The following CTNNA3 variants were observed in gnomAD, a reference collection of about 807,000 sequenced individuals.
CTNNA3 encodes catenin alpha-3.
CTNNA3 carries 76 observed loss-of-function variants against 95.7 expected under a neutral mutation model. The observed-to-expected ratio is 0.79, with a 90% CI of 0.66 to 0.96. CTNNA3 has a LOEUF of 0.96. Ranked by LOEUF, CTNNA3 falls within the 40% of genes least tolerant of loss-of-function variation. The pLI is 0.00. For synonymous variants in CTNNA3, 431 were observed against 374.4 expected, an observed-to-expected ratio of 1.15 and a Z score of -1.74; for missense variants, 1,191 against 1,089.8, an observed-to-expected ratio of 1.09 and a Z score of -1.31.
chr10:67,571,227 T>A (rs1377978393), intron 3 of CTNNA3, among the ~76,000 whole-genome samples: 2 of 152,206 alleles, frequency 1.3e-5, no homozygotes, highest in African/African-American at 4.8e-5. Context: ...ATGATTTGCC[T>A]AGAGCTACCT....
chr10:66,011,558 T>A (rs998803194), intron 15 of CTNNA3, among the ~76,000 whole-genome samples: 2 of 152,092 alleles, frequency 1.3e-5, no homozygotes, highest in East Asian at 3.9e-4. Context: ...GTCTGGAGTA[T>A]AGGAATGGCA....
At chr10:66,836,256 A>T (rs1202481338) in intron 7 of CTNNA3, among the ~76,000 whole-genome samples, 3 of 152,162 alleles carry the variant, frequency 2.0e-5, no homozygotes, top group Non-Finnish European at 2.9e-5. Context: ...TCTGGACTTG[A>T]TACGTGCAAA....
intron 7 of CTNNA3, chr10:67,097,625 C>T (rs374443522): frequency 2.3e-5 from 37 of 1,612,378 alleles, no homozygotes; most frequent in South Asian, 7.7e-5. Context: ...TTCTGGCATA[C>T]GACCAGCCCA....
intron 2 of CTNNA3, among the ~76,000 whole-genome samples, chr10:67,622,329 A>G (rs962405719): frequency 6.6e-6 from 1 of 152,208 alleles, no homozygotes; most frequent in Non-Finnish European, 1.5e-5. Context: ...TCCTAAAGCT[A>G]AGTTAGAAGT....
At chr10:67,070,029 C>G (rs1221539391) in intron 7 of CTNNA3, among the ~76,000 whole-genome samples, 3 of 152,206 alleles carry the variant, frequency 2.0e-5, no homozygotes, top group Non-Finnish European at 4.4e-5. Flanking sequence ...ACCATGAGAA[C>G]TTCCATTGCT....
intron 15 of CTNNA3, among the ~76,000 whole-genome samples, chr10:66,033,050 T>G (rs946355899): frequency 4.6e-5 from 7 of 152,296 alleles, no homozygotes; most frequent in African/African-American, 1.2e-4. Flanking sequence ...CTCATCCTGG[T>G]TATTCTGTAG....
intron 3 of CTNNA3, among the ~76,000 whole-genome samples, chr10:67,567,538 A>G (rs114778570): frequency 0.012 from 1,797 of 152,226 alleles, 40 homozygotes; most frequent in African/African-American, 0.039. Context: ...CTTAACCACT[A>G]TGTAATCTAT....
intron 14 of CTNNA3, among the ~76,000 whole-genome samples, chr10:66,069,822 A>G (rs2080395800): frequency 6.6e-6 from 1 of 152,144 alleles, no homozygotes; most frequent in East Asian, 1.9e-4. Flanking sequence ...ATTTAGTGTA[A>G]TGCATCACCT....
chr10:65,981,308 T>A (rs1387920020), intron 16 of CTNNA3, among the ~76,000 whole-genome samples: 1 of 152,022 alleles, frequency 6.6e-6, no homozygotes, highest in Non-Finnish European at 1.5e-5. Context: ...GAAAGACTTC[T>A]ACAAGGAAAA....
chr10:67,453,635 A>C (rs1205277182), intron 5 of CTNNA3, among the ~76,000 whole-genome samples: 1 of 152,220 alleles, frequency 6.6e-6, no homozygotes, highest in African/African-American at 2.4e-5. Context: ...AAAAGAAAAC[A>C]AGGCAACTAC....
intron 13 of CTNNA3, among the ~76,000 whole-genome samples, chr10:66,258,976 C>A (rs1354351833): frequency 2.0e-5 from 3 of 152,256 alleles, no homozygotes; most frequent in African/African-American, 7.2e-5. Flanking sequence ...CCTAAAGTAA[C>A]CACTACTGGG....
At chr10:66,928,547 C>T (rs1847202459) in intron 7 of CTNNA3, 2 of 1,104,136 alleles carry the variant, frequency 1.8e-6, no homozygotes, top group East Asian at 2.5e-5. Flanking sequence ...GCGATGCCCC[C>T]CCTCCCCTTC....
At chr10:66,915,543 T>C (rs548154766) in intron 7 of CTNNA3, among the ~76,000 whole-genome samples, 1 of 151,858 alleles carries the variant, frequency 6.6e-6, no homozygotes, top group Non-Finnish European at 1.5e-5. Context: ...AGAAAATAAA[T>C]ACATGGAATC....
intron 5 of CTNNA3, among the ~76,000 whole-genome samples, chr10:67,462,939 C>G (rs1258189858): frequency 6.7e-6 from 1 of 149,766 alleles, no homozygotes; most frequent in Non-Finnish European, 1.5e-5. Flanking sequence ...GAGTCTCGCT[C>G]TGTCACCCAG....
At chr10:66,915,586 G>A (rs984397780) in intron 7 of CTNNA3, among the ~76,000 whole-genome samples, 3 of 151,888 alleles carry the variant, frequency 2.0e-5, no homozygotes, top group African/African-American at 7.2e-5. Flanking sequence ...GGAAAATGGT[G>A]AAGTACTAGG....
intron 5 of CTNNA3, among the ~76,000 whole-genome samples, chr10:67,317,608 G>T (rs1841114041): frequency 6.6e-6 from 1 of 152,018 alleles, no homozygotes; most frequent in East Asian, 1.9e-4. Context: ...TGTATTTTTA[G>T]TAGAGACAGG....
intron 10 of CTNNA3, among the ~76,000 whole-genome samples, chr10:66,558,950 A>G (rs1842470824): frequency 6.6e-6 from 1 of 152,124 alleles, no homozygotes; most frequent in African/African-American, 2.4e-5. Flanking sequence ...TAGAAAAGTC[A>G]CTAAAAAACA....
chr10:66,213,282 G>GA (rs941021793), intron 13 of CTNNA3, among the ~76,000 whole-genome samples: 2 of 150,650 alleles, frequency 1.3e-5, no homozygotes, highest in East Asian at 1.9e-4. Context: ...GATGAGTGTA[G>GA]AAAAAAAAAT....
At chr10:66,649,953 C>T (rs2132408867) in intron 9 of CTNNA3, among the ~76,000 whole-genome samples, 1 of 152,362 alleles carries the variant, frequency 6.6e-6, no homozygotes, top group Non-Finnish European at 1.5e-5. Context: ...ACATCCCATG[C>T]AGTCCCAGGC....
Sources: allele counts gnomAD v4.1 joint callset (sites outside exome capture counted in the v4.1 genomes callset), GRCh38; gene constraint gnomAD v4.1.1; transcripts MANE v1.5; gene names NCBI Gene and HGNC (gene_info 2026-07-23, HGNC 2026-07-21).